Variants in ACVR2A observed in about 807,000 individuals in gnomAD.
ACVR2A encodes activin receptor type-2A.
ACVR2A carries 7 observed loss-of-function variants against 61.4 expected under a neutral mutation model. The ratio of observed to expected loss-of-function variants is 0.11; its 90% CI spans 0.06 to 0.21. The LOEUF is 0.21. Ranked by LOEUF, ACVR2A falls within the 10% of genes least tolerant of loss-of-function variation. ACVR2A has a pLI of 1.00. For synonymous variants in ACVR2A, 193 were observed against 208.3 expected (o/e 0.93, Z 0.63); for missense variants, 322 against 621.7 (o/e 0.52, Z 5.13).
intron 2 of ACVR2A, 113 bp downstream of exon 2, chr2:147,896,621 T>A: frequency 2.0e-6 from 2 of 983,258 alleles, no homozygotes; most frequent in Non-Finnish European, 3.0e-6. Flanking sequence ...TCTTGCTTTT[T>A]AAAAAATGGG....
intron 1 of ACVR2A, among the ~76,000 whole-genome samples, chr2:147,880,784 T>G (rs1335255894): frequency 6.6e-6 from 1 of 152,190 alleles, no homozygotes; most frequent in East Asian, 1.9e-4. Flanking sequence ...TATGACAGCA[T>G]TAGATATTTG....
intron 9 of ACVR2A, among the ~76,000 whole-genome samples, chr2:147,924,893 T>G (rs564815138): frequency 1.3e-5 from 2 of 151,922 alleles, no homozygotes; most frequent in East Asian, 3.9e-4. Flanking sequence ...AAGTGTTGAA[T>G]AGACACCTTA....
intron 1 of ACVR2A, among the ~76,000 whole-genome samples, chr2:147,854,014 A>G (rs1020518346): frequency 9.2e-5 from 14 of 152,142 alleles, no homozygotes; most frequent in African/African-American, 3.1e-4. Context: ...TAGATCTTAC[A>G]TATTAGTTTT....
At chr2:147,920,150 T>C in intron 7 of ACVR2A, 80 bp from the exon 8 acceptor site, 1 of 886,502 alleles carries the variant, frequency 1.1e-6, no homozygotes, top group Non-Finnish European at 1.8e-6. Flanking sequence ...GTGTACATAT[T>C]CCCCCTTTTC....
chr2:147,864,163 C>T (rs1325738964), intron 1 of ACVR2A, among the ~76,000 whole-genome samples: 1 of 151,992 alleles, frequency 6.6e-6, no homozygotes, highest in African/African-American at 2.4e-5. Context: ...ATTTTTAAGA[C>T]AAATTGATTA....
intron 1 of ACVR2A, among the ~76,000 whole-genome samples, chr2:147,853,927 AT>A (rs1435654354): frequency 6.6e-6 from 1 of 152,138 alleles, no homozygotes; most frequent in Non-Finnish European, 1.5e-5. Flanking sequence ...AAACTCTGAG[AT>A]TAACTTTTAA....
intron 4 of ACVR2A, among the ~76,000 whole-genome samples, chr2:147,906,184 CT>C (rs528490290): frequency 7.4e-5 from 11 of 149,442 alleles, no homozygotes; most frequent in Non-Finnish European, 1.3e-4. Flanking sequence ...GCTGTCAAAT[CT>C]TTTTTTTTTA....
At chr2:147,905,851 G>A (rs1369426722) in intron 4 of ACVR2A, among the ~76,000 whole-genome samples, 11 of 152,120 alleles carry the variant, frequency 7.2e-5, no homozygotes, top group Admixed American at 4.6e-4. Context: ...AGCAAAAAGG[G>A]AGGAAGGGGA....
intron 1 of ACVR2A, among the ~76,000 whole-genome samples, chr2:147,895,293 C>T (rs184290106): frequency 6.6e-6 from 1 of 152,260 alleles, no homozygotes; most frequent in East Asian, 1.9e-4. Flanking sequence ...GTAATAATTT[C>T]ATAGCCACCT....
At position 147,915,179 on chromosome 2, in the gene ACVR2A, A is replaced by G; in HGVS notation, c.529-12A>G. ...TCTGCTTATTTATAGTATTATTATTATTTATCTGTAGGACCCAGGACCACC... is the reference window on the plus strand; with the variant it reads ...TCTGCTTATTTATAGTATTATTATTGTTTATCTGTAGGACCCAGGACCACC... On this transcript the variant is annotated splice_polypyrimidine_tract_variant and intron_variant, in intron 4 of 10. Transcript: ENST00000241416. 6.2e-7 allele frequency: 1 copy of G among 1,609,272 alleles called. No individual in the cohort carries two copies. Among genetic ancestry groups the G allele is most frequent in the Non-Finnish European group, 8.5e-7 (1 of 1,176,606 alleles).
At chr2:147,845,335 C>G in intron 1 of ACVR2A, 128 bp downstream of exon 1, 1 of 486,844 alleles carries the variant, frequency 2.1e-6, no homozygotes, top group Non-Finnish European at 3.2e-6. Flanking sequence ...CCCTGCGCCC[C>G]TCGGCTGCCA....
intron 1 of ACVR2A, among the ~76,000 whole-genome samples, chr2:147,869,317 G>A (rs1276789744): frequency 2.0e-5 from 3 of 152,122 alleles, no homozygotes; most frequent in Non-Finnish European, 4.4e-5. Context: ...TGTTGAAATT[G>A]ATTTTGCATC....
At chr2:147,917,639 C>T (rs1395194005) in intron 6 of ACVR2A, among the ~76,000 whole-genome samples, 1 of 151,948 alleles carries the variant, frequency 6.6e-6, no homozygotes, top group Non-Finnish European at 1.5e-5. Flanking sequence ...TAAAACTCTA[C>T]TCATATAAAC....
rs1687306392 is a variant in ACVR2A, at chr2:147,918,545, G to A, written c.915G>A (p.Glu305=). 6.2e-7 allele frequency: 1 copy of A among 1,611,530 alleles called. No homozygotes were observed. The highest frequency in any genetic ancestry group is 1.3e-5 in the African/African-American group (1 of 74,708). ...TMARGLAYLH[E]DIPGLKDGHK... Reference sequence around the variant, plus strand: ...CTAGAGGATTGGCATATTTACATGAGGATATACCTGGCCTAAAAGATGGCC... The same window carrying A: ...CTAGAGGATTGGCATATTTACATGAAGATATACCTGGCCTAAAAGATGGCC... Residue 305 remains glutamate (E), a synonymous_variant, in exon 7 of 11, where the codon GAG becomes GAA. Transcript: ENST00000241416.
chr2:147,905,001 T>G (rs900163508), intron 4 of ACVR2A, among the ~76,000 whole-genome samples: 24 of 152,038 alleles, frequency 1.6e-4, no homozygotes, highest in African/African-American at 5.1e-4. Flanking sequence ...CTGCTTTTTC[T>G]CTCTTCATTT....
At chr2:147,859,641 C>G (rs183417255) in intron 1 of ACVR2A, among the ~76,000 whole-genome samples, 95 of 152,158 alleles carry the variant, frequency 6.2e-4, no homozygotes, top group African/African-American at 2.2e-3. Flanking sequence ...GTTTGAGAGC[C>G]TGTGTTCCAA....
chr2:147,894,394 G>A (rs545616982), intron 1 of ACVR2A, among the ~76,000 whole-genome samples: 4 of 152,202 alleles, frequency 2.6e-5, no homozygotes, highest in African/African-American at 9.6e-5. Flanking sequence ...GTAAATGCTA[G>A]TTGCAGTGGG....
chr2:147,915,764 T>G (rs972768804), intron 5 of ACVR2A, among the ~76,000 whole-genome samples: 15 of 151,966 alleles, frequency 9.9e-5, no homozygotes, highest in African/African-American at 3.6e-4. Flanking sequence ...CATTCTACTT[T>G]GAGTGTTTAA....
intron 1 of ACVR2A, among the ~76,000 whole-genome samples, chr2:147,893,653 A>G (rs1686646581): frequency 6.6e-6 from 1 of 152,122 alleles, no homozygotes; most frequent in Non-Finnish European, 1.5e-5. Flanking sequence ...GCTTTTTTCA[A>G]AAAAAATTTT....
Sources: gnomAD v4.1 joint callset for allele counts (sites outside exome capture counted in the v4.1 genomes callset) on GRCh38, gnomAD v4.1.1 for gene constraint, MANE v1.5 for transcripts, NCBI Gene and HGNC (gene_info 2026-07-23, HGNC 2026-07-21) for gene names.